DIP2B: variants seen among roughly 807,000 people sequenced by gnomAD.
DIP2B encodes disco-interacting protein 2 homolog B.
Under a neutral mutation model 198.0 loss-of-function variants are expected in DIP2B, and 76 were observed. The ratio of observed to expected loss-of-function variants is 0.38; its 90% CI spans 0.32 to 0.46. DIP2B has a LOEUF of 0.46. Among genes scored for constraint, DIP2B ranks in the 20% least tolerant of loss-of-function variants. The probability of loss-of-function intolerance (pLI) is 0.99; values close to 1 mark genes in which losing one functional copy is unlikely to be tolerated. For synonymous variants in DIP2B, 701 were observed against 739.1 expected (o/e 0.95, Z 0.84); for missense variants, 1,559 against 1,978.4 (o/e 0.79, Z 4.02).
At chr12:50,601,331 A>AT (rs759052064) in intron 1 of DIP2B, among the ~76,000 whole-genome samples, 1,596 of 141,644 alleles carry the variant, frequency 0.011, 35 homozygotes, top group African/African-American at 0.044. Context: ...ATATATCTAT[A>AT]TATTTTTTTG....
chr12:50,602,591 G>A (rs991017156), intron 1 of DIP2B, among the ~76,000 whole-genome samples: 29 of 152,310 alleles, frequency 1.9e-4, no homozygotes, highest in Non-Finnish European at 5.9e-5. Flanking sequence ...GGCTGGGTGC[G>A]GTGGCTCACG....
chr12:50,615,834 G>A (rs1015732679), intron 1 of DIP2B, among the ~76,000 whole-genome samples: 7 of 152,156 alleles, frequency 4.6e-5, no homozygotes, highest in African/African-American at 1.2e-4. Context: ...CAAACTCAGC[G>A]TTCGAACCCA....
intron 19 of DIP2B, among the ~76,000 whole-genome samples, chr12:50,702,418 C>T (rs997995321): frequency 1.3e-5 from 2 of 151,570 alleles, no homozygotes; most frequent in Admixed American, 6.6e-5. Context: ...AAAACTTAGC[C>T]GGGTGTGGTG....
At chr12:50,623,413 ACACACACACACACACACACACACACTCT>A (rs1176968885) in intron 1 of DIP2B, among the ~76,000 whole-genome samples, 59 of 87,846 alleles carry the variant, frequency 6.7e-4, no homozygotes, top group African/African-American at 3.1e-3. Flanking sequence ...ACACACACAC[ACACACACACACACACACACACACACTCT>A]CTCTCTCTCT....
intron 1 of DIP2B, among the ~76,000 whole-genome samples, chr12:50,546,783 G>A (rs1958381434): frequency 6.6e-6 from 1 of 152,068 alleles, no homozygotes; most frequent in African/African-American, 2.4e-5. Flanking sequence ...TTTTTAAAAC[G>A]TATTATGAAC....
intron 33 of DIP2B, 61 bp from the exon 34 acceptor site, chr12:50,735,012 A>T: frequency 6.3e-7 from 1 of 1,596,560 alleles, no homozygotes; most frequent in Non-Finnish European, 8.6e-7. Flanking sequence ...ACCGAGCTGC[A>T]GGAACATGGC....
intron 9 of DIP2B, 113 bp downstream of exon 9, chr12:50,680,876 T>C (rs1046808536): frequency 3.9e-6 from 4 of 1,018,480 alleles, no homozygotes; most frequent in Non-Finnish European, 4.4e-6. Context: ...GTAACTCTTA[T>C]TTTTGGAAAA....
At chr12:50,551,469 A>T (rs1958426699) in intron 1 of DIP2B, among the ~76,000 whole-genome samples, 1 of 151,932 alleles carries the variant, frequency 6.6e-6, no homozygotes. Context: ...TTTGAGACAG[A>T]GTCTCACTTT....
chr12:50,714,957 GA>G (rs1484169892), intron 23 of DIP2B, among the ~76,000 whole-genome samples: 1 of 152,132 alleles, frequency 6.6e-6, no homozygotes, highest in African/African-American at 2.4e-5. Flanking sequence ...AGGGAAGATG[GA>G]AAAGGTGTGT....
chr12:50,654,891 G>A (rs1334073481), intron 3 of DIP2B: 12 of 294,190 alleles, frequency 4.1e-5, no homozygotes, highest in Middle Eastern at 4.2e-4. Context: ...AAGGTTAGGC[G>A]GTGGGGAAGT....
chr12:50,665,968 A>G (rs914090479), intron 4 of DIP2B, among the ~76,000 whole-genome samples: 2 of 152,200 alleles, frequency 1.3e-5, no homozygotes, highest in Non-Finnish European at 2.9e-5. Context: ...TTTCCTAAAT[A>G]TTCTAATTTT....
In DIP2B at chr12:50,728,528, C is replaced by G. The variant is rs762728409; in HGVS notation, c.3511-20C>G. On this transcript the variant is annotated intron_variant, in intron 29 of 37. Transcript: ENST00000301180. ...TGTGGGATAACAGTCCCAGCCTGTTCCATTTTCCATACTTTCCAGATGTCC... is the reference window on the plus strand; with the variant it reads ...TGTGGGATAACAGTCCCAGCCTGTTGCATTTTCCATACTTTCCAGATGTCC... The G allele has an allele frequency of 1.2e-6, 2 of 1,611,420 alleles. No homozygotes were observed. The highest frequency in any genetic ancestry group is 2.2e-5 in the South Asian group (2 of 90,652).
At chr12:50,512,541 C>G (rs1455621002) in intron 1 of DIP2B, among the ~76,000 whole-genome samples, 2 of 152,162 alleles carry the variant, frequency 1.3e-5, no homozygotes, top group African/African-American at 4.8e-5. Flanking sequence ...AAAATAAAGT[C>G]TCAGTTTTGG....
At chr12:50,627,964 C>A (rs922038893) in intron 2 of DIP2B, among the ~76,000 whole-genome samples, 3 of 152,222 alleles carry the variant, frequency 2.0e-5, no homozygotes, top group Non-Finnish European at 4.4e-5. Context: ...TAGATCCCAA[C>A]CCCTCCTCCT....
chr12:50,738,934 GCT>G (rs2139605829), intron 35 of DIP2B, among the ~76,000 whole-genome samples: 1 of 152,230 alleles, frequency 6.6e-6, no homozygotes. Context: ...GTTAGCTATC[GCT>G]CTGTTTATAT....
chr12:50,568,767 C>T (rs940715463), intron 1 of DIP2B, among the ~76,000 whole-genome samples: 3 of 152,112 alleles, frequency 2.0e-5, no homozygotes, highest in African/African-American at 7.2e-5. Flanking sequence ...GAGCTTACTC[C>T]TTGGCTGACA....
At chr12:50,708,744 T>A (rs759117831) in intron 22 of DIP2B, among the ~76,000 whole-genome samples, 182 bp downstream of exon 22, 4 of 152,250 alleles carry the variant, frequency 2.6e-5, no homozygotes, top group Non-Finnish European at 5.9e-5. Flanking sequence ...CCACATGGTA[T>A]TTTTCTGCTC....
intron 3 of DIP2B, among the ~76,000 whole-genome samples, chr12:50,641,750 A>T (rs1938260293): frequency 6.6e-6 from 1 of 152,094 alleles, no homozygotes; most frequent in Admixed American, 6.5e-5. Context: ...GGCTTTGATA[A>T]GCAGAGGAAC....
chr12:50,546,627 A>G (rs1958379825), intron 1 of DIP2B, among the ~76,000 whole-genome samples: 1 of 152,228 alleles, frequency 6.6e-6, no homozygotes, highest in Non-Finnish European at 1.5e-5. Flanking sequence ...CATTCTTGCT[A>G]GGATTAAATA....
Sources: gnomAD v4.1 joint callset for allele counts (sites outside exome capture counted in the v4.1 genomes callset) on GRCh38, gnomAD v4.1.1 for gene constraint, MANE v1.5 for transcripts, NCBI Gene and HGNC (gene_info 2026-07-23, HGNC 2026-07-21) for gene names.